The following MFAP3L variants were observed in gnomAD, a reference collection of about 807,000 sequenced individuals.
MFAP3L encodes the protein microfibril associated protein 3 like.
A neutral mutation model predicts 20.0 loss-of-function variants in MFAP3L; 5 were observed. The observed-to-expected ratio is 0.25, with a 90% CI of 0.13 to 0.53. The LOEUF (loss-of-function observed/expected upper bound fraction) is 0.53, where lower values mean the gene tolerates loss of function less well. MFAP3L is among the 20% of genes least tolerant of loss of function. The probability of loss-of-function intolerance (pLI) is 0.96; values close to 1 mark genes in which losing one functional copy is unlikely to be tolerated. For synonymous variants in MFAP3L, 219 were observed against 213.0 expected (o/e 1.03, Z -0.25); for missense variants, 409 against 527.5 (o/e 0.78, Z 2.20).
chr4:170,001,857 A>C, intron 2 of MFAP3L: 2 of 887,760 alleles, frequency 2.3e-6, no homozygotes, highest in South Asian at 1.0e-4. Context: ...AATTGAAGTG[A>C]CAGCACCAGG....
chr4:170,009,379 T>C (rs1209102976), intron 1 of MFAP3L, among the ~76,000 whole-genome samples: 1 of 129,650 alleles, frequency 7.7e-6, no homozygotes, highest in Non-Finnish European at 1.5e-5. Context: ...CAAGACGCTG[T>C]CTCAAAAAAA....
At chr4:170,008,169 C>T (rs1739164139) in intron 1 of MFAP3L, among the ~76,000 whole-genome samples, 1 of 152,106 alleles carries the variant, frequency 6.6e-6, no homozygotes, top group African/African-American at 2.4e-5. Flanking sequence ...TTACGAGATA[C>T]AGAAGCAGAG....
chr4:169,992,303 C>T lies in MFAP3L; in HGVS notation c.305G>A (p.Trp102Ter). ...EDEKERGGGK[W>*]QMHDSGLLNI... ...CAGGAGGCCGCTGTCGTGCATTTGCCATTTTCCTGTCGGAAGGGAGAGAAG... is the reference window on the plus strand; with the variant it reads ...CAGGAGGCCGCTGTCGTGCATTTGCTATTTTCCTGTCGGAAGGGAGAGAAG... The change falls in exon 3 of 3, where the codon TGG (tryptophan) becomes TAG (stop). Residue 102 changes from tryptophan to a stop codon, truncating the protein, a stop_gained. Transcript: ENST00000361618. LOFTEE classifies it high-confidence loss of function. This position sits in a 1 kb window ranked among gnomAD's most constrained non-coding sequence, Gnocchi z 4.3. 1 of 1,604,782 alleles carries T rather than the reference C, an allele frequency of 6.2e-7. No homozygotes were observed. The highest frequency in any genetic ancestry group is 8.5e-7 in the Non-Finnish European group (1 of 1,174,286).
rs912565684 is a variant in MFAP3L at position 169,990,654 on chromosome 4, T to C, written c.*724A>G. The C allele has an allele frequency of 1.3e-5, 2 of 152,620 alleles. No homozygotes were observed. The highest frequency in any genetic ancestry group is 4.8e-5 in the African/African-American group (2 of 41,436). The allele number at this position is 152,620 out of a possible 1,614,324, so 9.5% of individuals were successfully genotyped here. A position where few individuals can be genotyped will look rare whatever the true frequency, so the allele number is the denominator to read the frequency against. ...AAGTGCTATTCCGGGGCAAAGTTTT[T>C]CTCAGTTTCGTTTAACAGCAGCTTC... is the stretch of plus-strand genomic sequence containing the variant. On this transcript the variant is annotated 3_prime_UTR_variant, in exon 3 of 3. Transcript: ENST00000361618.
At chr4:170,003,406 A>G (rs771857990) in intron 2 of MFAP3L, among the ~76,000 whole-genome samples, 39 of 152,132 alleles carry the variant, frequency 2.6e-4, no homozygotes, top group Non-Finnish European at 1.9e-4. Flanking sequence ...ATAACTACCA[A>G]CTAGTTCAAT....
At chr4:170,000,313 T>C (rs1738524156) in intron 2 of MFAP3L, among the ~76,000 whole-genome samples, 1 of 152,226 alleles carries the variant, frequency 6.6e-6, no homozygotes, top group Non-Finnish European at 1.5e-5. Context: ...CTTTTGCATT[T>C]GCTGAGTTTT....
chr4:170,020,324 G>A (rs546802105), intron 1 of MFAP3L, among the ~76,000 whole-genome samples: 14 of 152,166 alleles, frequency 9.2e-5, no homozygotes, highest in African/African-American at 3.1e-4. Flanking sequence ...ATCAATCACT[G>A]AGTTCTAATG....
rs1737774918 is a variant in MFAP3L, at chr4:169,992,276, T to A, written c.332A>T (p.Asn111Ile). The A allele has an allele frequency of 3.7e-6, 6 of 1,612,416 alleles. No homozygotes were observed. The highest frequency in any genetic ancestry group is 3.4e-6 in the Non-Finnish European group (4 of 1,178,860). Residue 111 changes from asparagine to isoleucine, a missense_variant, in exon 3 of 3, where the codon AAC becomes ATC. Asn to Ile is a moderately radical substitution (Grantham distance 149). This residue lies in a region of MFAP3L where 127 missense variants were observed against 218.1 expected (regional missense o/e 0.58). Coordinates refer to ENST00000361618, the MANE Select transcript of MFAP3L (RefSeq NM_021647.8). This position sits in a 1 kb window ranked among gnomAD's most constrained non-coding sequence, Gnocchi z 4.3. ...GTCTGAGAAGGATACCTTGGTGATG[T>A]TCAGGAGGCCGCTGTCGTGCATTTG... ...KWQMHDSGLL[N>I]ITKVSFSDRG... is the part of the protein sequence containing the mutation.
Position 170,005,328 on chromosome 4 carries a change from A to G in MFAP3L, c.298+252T>C, listed in dbSNP as rs189514932. 31 of 558,474 alleles carry G rather than the reference A, an allele frequency of 5.6e-5. No individual in the cohort carries two copies. The Admixed American group carries it at 1.0e-3, about 18-fold the overall frequency. 34.6% of individuals were successfully genotyped at this position (558,474 alleles called of 1,614,324 possible). On this transcript the variant is annotated intron_variant, in intron 2 of 2. Transcript: ENST00000361618. ...GTCTCTATAATGTATTGGATGTATT[A>G]TATTACAAAATTCCAAGAAGCCTTT...
rs1185640581 is a variant in MFAP3L, at chr4:170,013,503, T to C, written c.-133-7493A>G. Among the ~76,000 whole-genome samples the C allele has an allele frequency of 2.5e-3, 381 of 152,326 alleles. 1 individual carries two copies. The highest frequency in any genetic ancestry group is 0.02 in the Middle Eastern group (6 of 294). On this transcript the variant is annotated intron_variant, in intron 1 of 2. Transcript: ENST00000361618. ...TTAGACTTGGAAAAACTTGGATGTATTTTCATAAAGGTTTTTCTTTACTCT... is the reference window on the plus strand; with the variant it reads ...TTAGACTTGGAAAAACTTGGATGTACTTTCATAAAGGTTTTTCTTTACTCT...
intron 2 of MFAP3L, among the ~76,000 whole-genome samples, chr4:170,000,136 T>C (rs1738511856): frequency 1.3e-5 from 2 of 152,242 alleles, no homozygotes; most frequent in Non-Finnish European, 2.9e-5. Flanking sequence ...CCACATACAC[T>C]GCTTTCTTCC....
chr4:170,004,691 G>A (rs1264277706), intron 2 of MFAP3L, among the ~76,000 whole-genome samples: 1 of 152,154 alleles, frequency 6.6e-6, no homozygotes, highest in African/African-American at 2.4e-5. Context: ...TTTTCCTGGA[G>A]CAGAAACTCT....
chr4:170,017,528 T>C (rs1346641229), intron 1 of MFAP3L, among the ~76,000 whole-genome samples: 1 of 152,134 alleles, frequency 6.6e-6, no homozygotes, highest in East Asian at 1.9e-4. Context: ...GCAGGAAAAG[T>C]CCCTTGCAGA....
chr4:170,000,054 AAC>A (rs1193919509), intron 2 of MFAP3L, among the ~76,000 whole-genome samples: 1 of 152,202 alleles, frequency 6.6e-6, no homozygotes, highest in Non-Finnish European at 1.5e-5. Context: ...CTGTGGAGAA[AAC>A]AGTTCCCAGC....
chr4:170,006,897 G>T (rs147647116), intron 1 of MFAP3L: 3 of 152,228 alleles, frequency 2.0e-5, no homozygotes, highest in African/African-American at 7.2e-5. Flanking sequence ...TTACTTACGG[G>T]CTCCAGGTCA....
At position 169,991,226 on chromosome 4, in the gene MFAP3L, T is replaced by G; in HGVS notation, c.*152A>C. 1 of 771,436 alleles carries G rather than the reference T, an allele frequency of 1.3e-6. No individual in the cohort carries two copies. Among genetic ancestry groups the G allele is most frequent in the Non-Finnish European group, 2.1e-6 (1 of 486,546 alleles). The allele number at this position is 771,436 out of a possible 1,614,324, so 47.8% of individuals were successfully genotyped here. On this transcript the variant is annotated 3_prime_UTR_variant, in exon 3 of 3. Transcript: ENST00000361618. This position sits in a 1 kb window ranked among gnomAD's most constrained non-coding sequence, Gnocchi z 4.9. ...CTGGGGAAATTCCAGTCCCATTCAC[T>G]GCAGGCAGGTGTTTCTCCTTTTAAA...
chr4:170,003,317 C>T (rs1166648930), intron 2 of MFAP3L, among the ~76,000 whole-genome samples: 1 of 152,140 alleles, frequency 6.6e-6, no homozygotes, highest in Non-Finnish European at 1.5e-5. Flanking sequence ...TGACTGGCGG[C>T]CACTAGCTTG....
chr4:170,004,202 C>A (rs1201650096), intron 2 of MFAP3L, among the ~76,000 whole-genome samples: 1 of 152,132 alleles, frequency 6.6e-6, no homozygotes, highest in African/African-American at 2.4e-5. Context: ...GGTGATCTGC[C>A]TGCCTTGGCC....
At chr4:170,009,324 A>G (rs1739233432) in intron 1 of MFAP3L, among the ~76,000 whole-genome samples, 1 of 150,268 alleles carries the variant, frequency 6.7e-6, no homozygotes, top group South Asian at 2.1e-4. Flanking sequence ...CGGAGGTTAC[A>G]GTGAGCCGAG....
Sources: allele counts gnomAD v4.1 joint callset (sites outside exome capture counted in the v4.1 genomes callset), GRCh38; gene constraint gnomAD v4.1.1; regional missense constraint gnomAD v4.1.1; non-coding constraint Gnocchi (gnomAD v3.1); transcripts MANE v1.5; gene names NCBI Gene and HGNC (gene_info 2026-07-23, HGNC 2026-07-21).